The following HIVEP1 variants were observed in gnomAD, a reference collection of about 807,000 sequenced individuals.
HIVEP1 encodes HIVEP zinc finger 1.
A neutral mutation model predicts 180.0 loss-of-function variants in HIVEP1; 36 were observed. The ratio of observed to expected loss-of-function variants is 0.20; its 90% CI spans 0.15 to 0.26. HIVEP1 has a LOEUF of 0.26. HIVEP1 is among the 10% of genes least tolerant of loss of function. The pLI, the probability that HIVEP1 is intolerant of heterozygous loss-of-function variation, is 1.00. For synonymous variants in HIVEP1, 1,239 were observed against 1,239.0 expected (o/e 1.00, Z 0.00); for missense variants, 3,143 against 3,268.7 (o/e 0.96, Z 0.94).
chr6:12,130,275 T>G (rs767084055), intron 5 of HIVEP1, among the ~76,000 whole-genome samples: 1 of 152,236 alleles, frequency 6.6e-6, no homozygotes, highest in Non-Finnish European at 1.5e-5. Context: ...ATTATAGTTA[T>G]AGTAAAGCTC....
At chr6:12,019,146 A>G (rs6915456) in intron 2 of HIVEP1, among the ~76,000 whole-genome samples, 5,307 of 152,232 alleles carry the variant, frequency 0.035, 294 homozygotes, top group African/African-American at 0.12. Context: ...CTGATGGGGA[A>G]GGGGAAGACT....
rs1775472429 is a variant in HIVEP1 at position 12,120,090 on chromosome 6, T to G, written c.295T>G (p.Tyr99Asp). 1 of 1,613,116 alleles carries G rather than the reference T, an allele frequency of 6.2e-7. No homozygotes were observed. Among genetic ancestry groups the G allele is most frequent in the African/African-American group, 1.3e-5 (1 of 74,748 alleles). ...SASESHKKQN[Y>D]IPVKNGKQFT... Reference sequence around the variant, plus strand: ...TTCGGAGTCTCACAAGAAACAGAATTATATTCCTGTAAAAAATGGGAAGCA... The same window carrying G: ...TTCGGAGTCTCACAAGAAACAGAATGATATTCCTGTAAAAAATGGGAAGCA... Residue 99 changes from tyrosine (Y) to aspartate (D), a missense_variant, in exon 4 of 9, where the codon TAT (tyrosine) becomes GAT (aspartate). Tyr to Asp is a radical substitution (Grantham distance 160, BLOSUM62 -3). Coordinates refer to ENST00000379388, the MANE Select transcript of HIVEP1 (RefSeq NM_002114.4).
chr6:12,108,277 A>G (rs1042920228), intron 3 of HIVEP1, among the ~76,000 whole-genome samples: 4 of 152,226 alleles, frequency 2.6e-5, no homozygotes, highest in Admixed American at 2.6e-4. Flanking sequence ...TGAGCTAGAC[A>G]TAAAGATTCT....
chr6:12,079,460 T>C (rs1190181000), intron 2 of HIVEP1, among the ~76,000 whole-genome samples: 2 of 152,202 alleles, frequency 1.3e-5, no homozygotes, highest in Non-Finnish European at 2.9e-5. Context: ...TCCTTCCTTA[T>C]CTTCCTCAGT....
intron 7 of HIVEP1, among the ~76,000 whole-genome samples, chr6:12,159,791 CA>C (rs1760289589): frequency 1.3e-5 from 2 of 152,202 alleles, no homozygotes; most frequent in Non-Finnish European, 2.9e-5. Flanking sequence ...CACATGCTAA[CA>C]GAACCTAAAT....
chr6:12,153,951 C>A (rs1759861201), intron 7 of HIVEP1, among the ~76,000 whole-genome samples: 1 of 152,120 alleles, frequency 6.6e-6, no homozygotes, highest in Non-Finnish European at 1.5e-5. Context: ...TGTTCAAGAC[C>A]CGCCTGACCA....
the HIVEP1 span, among the ~76,000 whole-genome samples, chr6:12,183,029 T>C: frequency 1.3e-5 from 2 of 152,106 alleles, no homozygotes; most frequent in African/African-American, 2.4e-5. Context: ...CAGTATAACA[T>C]TATTCATGGG....
chr6:12,163,538 A>G lies in HIVEP1; in HGVS notation c.7234A>G (p.Thr2412Ala). Residue 2412 changes from threonine (T) to alanine (A), a missense_variant, in exon 9 of 9, where the codon ACA becomes GCA. By Grantham distance (58) the Thr-to-Ala change is moderately conservative. Around this residue, in one of 12 missense-constraint regions of HIVEP1, gnomAD observed 595 missense variants for 602.2 expected, o/e 0.99. Transcript: ENST00000379388. ...GGIHVVPAGL[T>A]YSTFVPLQAG... is the part of the protein sequence containing the mutation. ...GATCCATGTGGTACCTGCTGGCCTC[A>G]CATACTCCACGTTTGTGCCCCTTCA... is the stretch of plus-strand genomic sequence containing the variant. 1 of 1,614,208 alleles carries G rather than the reference A, an allele frequency of 6.2e-7. No homozygotes were observed. The highest frequency in any genetic ancestry group is 8.5e-7 in the Non-Finnish European group (1 of 1,180,038).
At chr6:12,098,868 T>A (rs1475888252) in intron 3 of HIVEP1, among the ~76,000 whole-genome samples, 1 of 152,234 alleles carries the variant, frequency 6.6e-6, no homozygotes, top group Admixed American at 6.5e-5. Flanking sequence ...GGGTATTTTG[T>A]GGAGCTATGC....
At chr6:12,098,137 A>G (rs1166422371) in intron 3 of HIVEP1, among the ~76,000 whole-genome samples, 1 of 152,216 alleles carries the variant, frequency 6.6e-6, no homozygotes, top group Non-Finnish European at 1.5e-5. Flanking sequence ...GTTATGACAC[A>G]GTGCTCTTAT....
intron 2 of HIVEP1, among the ~76,000 whole-genome samples, chr6:12,043,734 G>T (rs1202614242): frequency 4.6e-5 from 7 of 152,134 alleles, no homozygotes; most frequent in Non-Finnish European, 1.5e-5. Context: ...GGCACTGGTG[G>T]CTTCAGCATC....
intron 2 of HIVEP1, among the ~76,000 whole-genome samples, chr6:12,017,218 T>C (rs1331115626): frequency 6.6e-6 from 1 of 152,214 alleles, no homozygotes; most frequent in Non-Finnish European, 1.5e-5. Flanking sequence ...AGCACATGTT[T>C]GTTACTGTGT....
chr6:12,196,625 ATCCT>A, the HIVEP1 span, among the ~76,000 whole-genome samples: 519 of 152,254 alleles, frequency 3.4e-3, 2 homozygotes, highest in African/African-American at 0.012. Context: ...TGCTTCAAAA[ATCCT>A]TCCTTCCTTC....
rs764987692 is a variant in HIVEP1 at position 12,135,898 on chromosome 6, G to T, written c.6487+6G>T. 2.6e-6 allele frequency: 4 copies of T among 1,548,496 alleles called. No individual in the cohort carries two copies. The highest frequency in any genetic ancestry group is 2.7e-5 in the African/African-American group (2 of 73,318). ...ACAGGATACAGAAGAATCAGGTAAGGCTTTATACCATATTTTTCATAAATG... is the reference window on the plus strand; with the variant it reads ...ACAGGATACAGAAGAATCAGGTAAGTCTTTATACCATATTTTTCATAAATG... On this transcript the variant is annotated splice_donor_region_variant and intron_variant, in intron 7 of 8. Coordinates refer to ENST00000379388, the MANE Select transcript of HIVEP1 (RefSeq NM_002114.4).
intron 2 of HIVEP1, among the ~76,000 whole-genome samples, chr6:12,035,257 A>G (rs1769201035): frequency 6.6e-6 from 1 of 152,244 alleles, no homozygotes; most frequent in South Asian, 2.1e-4. Context: ...TTCTAAGTGT[A>G]TCCTGATTTG....
chr6:12,169,820 A>G (rs142199667), downstream of HIVEP1, among the ~76,000 whole-genome samples: 1 of 152,276 alleles, frequency 6.6e-6, no homozygotes, highest in Non-Finnish European at 1.5e-5. Context: ...ACATTCGATA[A>G]TATTTATTTA....
At chr6:12,181,398 A>T in the HIVEP1 span, among the ~76,000 whole-genome samples, 46 of 151,684 alleles carry the variant, frequency 3.0e-4, no homozygotes, top group African/African-American at 1.1e-3. Context: ...AATAAATAAA[A>T]ATTTTTTTAG....
the HIVEP1 span, among the ~76,000 whole-genome samples, chr6:12,209,423 A>C: frequency 4.1e-4 from 62 of 151,996 alleles, no homozygotes; most frequent in Non-Finnish European, 8.1e-4. Flanking sequence ...ACAGAATGAG[A>C]CTCCGTCTCA....
At position 12,120,605 on chromosome 6, in the gene HIVEP1, G is replaced by A; in HGVS notation, c.810G>A (p.Gln270=). ...ACACAGTCCATATGTCTGCTGCTCAGAAGAATGAGCAAGGGGCAATGCAGT... is the reference window on the plus strand; with the variant it reads ...ACACAGTCCATATGTCTGCTGCTCAAAAGAATGAGCAAGGGGCAATGCAGT... ...TSYTVHMSAA[Q]KNEQGAMQSA... is the part of the protein sequence containing the mutation. The change falls in exon 4 of 9, where the codon CAG becomes CAA. Residue 270 remains glutamine, a synonymous_variant. Transcript: ENST00000379388. 1.2e-6 allele frequency: 2 copies of A among 1,613,978 alleles called. No individual in the cohort carries two copies. The highest frequency in any genetic ancestry group is 2.2e-5 in the South Asian group (2 of 91,082).
Sources: gnomAD v4.1 joint callset for allele counts (sites outside exome capture counted in the v4.1 genomes callset) on GRCh38, gnomAD v4.1.1 for gene constraint, gnomAD v4.1.1 regional missense constraint, MANE v1.5 for transcripts, NCBI Gene and HGNC (gene_info 2026-07-23, HGNC 2026-07-21) for gene names.